The following SLIT2 variants were observed in gnomAD, a reference collection of about 807,000 sequenced individuals.
SLIT2 encodes slit homolog 2 protein.
A neutral mutation model predicts 185.7 loss-of-function variants in SLIT2; 41 were observed. The observed-to-expected ratio is 0.22, with a 90% CI of 0.17 to 0.29. The LOEUF (loss-of-function observed/expected upper bound fraction) is 0.29, where lower values mean the gene tolerates loss of function less well. Ranked by LOEUF, SLIT2 falls within the 10% of genes least tolerant of loss-of-function variation. The pLI, the probability that SLIT2 is intolerant of heterozygous loss-of-function variation, is 1.00. For synonymous variants in SLIT2, 693 were observed against 680.2 expected, an observed-to-expected ratio of 1.02 and a Z score of -0.29; for missense variants, 1,571 against 1,909.0, an observed-to-expected ratio of 0.82 and a Z score of 3.30.
At chr4:20,504,784 T>A (rs1464596235) in intron 9 of SLIT2, among the ~76,000 whole-genome samples, 1 of 152,144 alleles carries the variant, frequency 6.6e-6, no homozygotes, top group Non-Finnish European at 1.5e-5. Context: ...TCCACAGTTT[T>A]GCTCTACATG....
At chr4:20,514,127 T>A (rs1354027912) in intron 11 of SLIT2, among the ~76,000 whole-genome samples, 1 of 152,134 alleles carries the variant, frequency 6.6e-6, no homozygotes, top group East Asian at 1.9e-4. Flanking sequence ...GAGTATGTAG[T>A]TTACTACAAA....
intron 4 of SLIT2, among the ~76,000 whole-genome samples, chr4:20,402,063 T>A (rs940480839): frequency 2.0e-5 from 3 of 151,822 alleles, no homozygotes; most frequent in African/African-American, 7.3e-5. Flanking sequence ...GTGGACACTC[T>A]GAACCTCTAA....
intron 4 of SLIT2, among the ~76,000 whole-genome samples, chr4:20,283,478 A>G (rs912297307): frequency 6.6e-6 from 1 of 152,188 alleles, no homozygotes; most frequent in African/African-American, 2.4e-5. Context: ...AATAACTTAG[A>G]TATGAGGGTT....
intron 5 of SLIT2, among the ~76,000 whole-genome samples, chr4:20,471,254 C>A (rs1050992612): frequency 4.2e-5 from 5 of 119,198 alleles, no homozygotes; most frequent in Middle Eastern, 4.2e-3. Flanking sequence ...AAGTTCCAAT[C>A]TCATGGGGTT....
chr4:20,359,962 G>A (rs1381351600), intron 4 of SLIT2, among the ~76,000 whole-genome samples: 3 of 152,058 alleles, frequency 2.0e-5, no homozygotes, highest in South Asian at 2.1e-4. Context: ...AAGATGATGC[G>A]GTTGTTGAGA....
intron 18 of SLIT2, among the ~76,000 whole-genome samples, chr4:20,534,631 C>T (rs781756029): frequency 6.6e-6 from 1 of 152,086 alleles, no homozygotes; most frequent in Non-Finnish European, 1.5e-5. Context: ...ATATTTGTAA[C>T]CAAGAAGCAG....
chr4:20,352,047 C>A (rs536341840), intron 4 of SLIT2, among the ~76,000 whole-genome samples: 3 of 152,288 alleles, frequency 2.0e-5, no homozygotes, highest in African/African-American at 7.2e-5. Context: ...ATATCTGCTG[C>A]TTGTTAAATA....
At chr4:20,399,140 A>T (rs939353806) in intron 4 of SLIT2, among the ~76,000 whole-genome samples, 10 of 151,736 alleles carry the variant, frequency 6.6e-5, no homozygotes, top group Non-Finnish European at 7.4e-5. Flanking sequence ...AAAATTATTT[A>T]AAAAATTATT....
intron 12 of SLIT2, among the ~76,000 whole-genome samples, chr4:20,522,183 G>C (rs777916519): frequency 1.3e-5 from 2 of 152,028 alleles, no homozygotes; most frequent in Admixed American, 1.3e-4. Flanking sequence ...AAGTGATTTG[G>C]ATCACAGTTG....
chr4:20,527,394 T>C (rs1488665543), intron 15 of SLIT2, among the ~76,000 whole-genome samples: 1 of 152,116 alleles, frequency 6.6e-6, no homozygotes, highest in Non-Finnish European at 1.5e-5. Flanking sequence ...CATGCCATTC[T>C]CCTGCCTCAG....
chr4:20,336,996 G>T (rs1288125957), intron 4 of SLIT2, among the ~76,000 whole-genome samples: 1 of 152,032 alleles, frequency 6.6e-6, no homozygotes, highest in Non-Finnish European at 1.5e-5. Flanking sequence ...TTTTCTTCAG[G>T]GGTCCAATTG....
intron 4 of SLIT2, among the ~76,000 whole-genome samples, chr4:20,402,060 C>G (rs1726405769): frequency 6.6e-6 from 1 of 151,766 alleles, no homozygotes; most frequent in Non-Finnish European, 1.5e-5. Flanking sequence ...AGTGTGGACA[C>G]TCTGAACCTC....
chr4:20,511,104 A>T lies in SLIT2; in HGVS notation c.1025A>T (p.Asp342Val). 1 of 1,608,442 alleles carries T rather than the reference A, an allele frequency of 6.2e-7. No individual in the cohort carries two copies. The highest frequency in any genetic ancestry group is 8.5e-7 in the Non-Finnish European group (1 of 1,175,578). The change falls in exon 11 of 37, where the codon GAT becomes GTT. Residue 342 changes from aspartate to valine, a missense_variant. By Grantham distance (152) the Asp-to-Val change is radical. Around this residue, in one of 3 missense-constraint regions of SLIT2, gnomAD observed 1,202 missense variants for 1,416.4 expected, o/e 0.85. Transcript: ENST00000504154. The part of the protein sequence containing the change: ...SNNQISELAP[D>V]AFQGLRSLNS... The stretch of plus-strand genomic sequence containing the variant: ...AATCAGATCTCTGAACTTGCACCAG[A>T]TGCTTTCCAAGGACTACGCTCTCTG...
chr4:20,384,253 T>C (rs1314614115), intron 4 of SLIT2, among the ~76,000 whole-genome samples: 2 of 152,144 alleles, frequency 1.3e-5, no homozygotes, highest in Non-Finnish European at 2.9e-5. Flanking sequence ...AAAAGCATTA[T>C]GTTATGTGAA....
intron 4 of SLIT2, among the ~76,000 whole-genome samples, chr4:20,402,786 A>T (rs1726463566): frequency 1.3e-5 from 2 of 151,768 alleles, no homozygotes; most frequent in Non-Finnish European, 2.9e-5. Context: ...AGGATTTTGA[A>T]TTTTTTAATA....
intron 4 of SLIT2, among the ~76,000 whole-genome samples, chr4:20,391,935 G>A (rs1258270905): frequency 2.0e-5 from 3 of 152,070 alleles, no homozygotes; most frequent in African/African-American, 7.2e-5. Flanking sequence ...AGAGGAGAAT[G>A]TGGGATTCTC....
chr4:20,323,059 A>T (rs1719242530), intron 4 of SLIT2, among the ~76,000 whole-genome samples: 1 of 152,202 alleles, frequency 6.6e-6, no homozygotes, highest in African/African-American at 2.4e-5. Context: ...CATTTTGCAG[A>T]CAAAGGAACT....
chr4:20,322,639 A>C (rs529544720), intron 4 of SLIT2, among the ~76,000 whole-genome samples: 1 of 152,288 alleles, frequency 6.6e-6, no homozygotes, highest in Non-Finnish European at 1.5e-5. Context: ...TATAGTATTT[A>C]TACAATAGCA....
intron 4 of SLIT2, among the ~76,000 whole-genome samples, chr4:20,274,697 C>A (rs376563816): frequency 6.6e-6 from 1 of 151,242 alleles, no homozygotes; most frequent in Admixed American, 6.6e-5. Context: ...CAGCATAGCT[C>A]ATAGCATAAG....
Sources: gnomAD v4.1 joint callset for allele counts (sites outside exome capture counted in the v4.1 genomes callset) on GRCh38, gnomAD v4.1.1 for gene constraint, gnomAD v4.1.1 regional missense constraint, MANE v1.5 for transcripts, NCBI Gene and HGNC (gene_info 2026-07-23, HGNC 2026-07-21) for gene names.